The following PXDNL variants were observed in gnomAD, a reference collection of about 807,000 sequenced individuals.
PXDNL encodes the protein probable oxidoreductase PXDNL.
In PXDNL, 145 loss-of-function variants were observed where a neutral mutation model predicts 150.8. The observed-to-expected ratio is 0.96, with a 90% CI of 0.84 to 1.10. The LOEUF (loss-of-function observed/expected upper bound fraction) is 1.10, where lower values mean the gene tolerates loss of function less well. Among genes scored for constraint, PXDNL ranks in the 50% least tolerant of loss-of-function variants. The probability of loss-of-function intolerance (pLI) is 0.00; values close to 1 mark genes in which losing one functional copy is unlikely to be tolerated. For synonymous variants in PXDNL, 757 were observed against 725.7 expected, an observed-to-expected ratio of 1.04 and a Z score of -0.69; for missense variants, 2,087 against 1,873.9, an observed-to-expected ratio of 1.11 and a Z score of -2.10.
At chr8:51,584,693 T>C (rs1244696562) in intron 3 of PXDNL, among the ~76,000 whole-genome samples, 7 of 152,138 alleles carry the variant, frequency 4.6e-5, no homozygotes, top group Non-Finnish European at 1.0e-4. Flanking sequence ...CCAGGAACTT[T>C]AGAACTCAGA....
At chr8:51,514,595 C>A (rs1382711397) in intron 4 of PXDNL, among the ~76,000 whole-genome samples, 1 of 152,172 alleles carries the variant, frequency 6.6e-6, no homozygotes, top group Non-Finnish European at 1.5e-5. Flanking sequence ...CCTTCCAATA[C>A]ATAGGACTGA....
chr8:51,582,412 G>A (rs963107285), intron 3 of PXDNL, among the ~76,000 whole-genome samples: 1 of 152,124 alleles, frequency 6.6e-6, no homozygotes, highest in Non-Finnish European at 1.5e-5. Context: ...GTAAATGTAT[G>A]TTATTCTCAT....
At chr8:51,553,544 A>G (rs1812536115) in intron 4 of PXDNL, among the ~76,000 whole-genome samples, 1 of 152,108 alleles carries the variant, frequency 6.6e-6, no homozygotes, top group African/African-American at 2.4e-5. Flanking sequence ...AGTTAGTTCA[A>G]TGCCTTGCTG....
intron 1 of PXDNL, among the ~76,000 whole-genome samples, chr8:51,757,916 A>T (rs535393589): frequency 9.2e-5 from 14 of 151,354 alleles, no homozygotes; most frequent in African/African-American, 1.9e-4. Flanking sequence ...AAAGAAATTT[A>T]AAAAATGTAA....
At chr8:51,675,565 C>T (rs1025387817) in intron 1 of PXDNL, among the ~76,000 whole-genome samples, 7 of 151,872 alleles carry the variant, frequency 4.6e-5, no homozygotes, top group East Asian at 1.9e-4. Flanking sequence ...GAGGCAGAGG[C>T]AGGCGGATCA....
intron 1 of PXDNL, among the ~76,000 whole-genome samples, chr8:51,682,819 C>T (rs1455628534): frequency 3.3e-5 from 5 of 151,854 alleles, no homozygotes; most frequent in African/African-American, 1.2e-4. Flanking sequence ...CAGCATTTCC[C>T]GAAGGGCTTG....
intron 2 of PXDNL, among the ~76,000 whole-genome samples, chr8:51,624,254 G>C (rs1294479519): frequency 6.6e-6 from 1 of 152,168 alleles, no homozygotes; most frequent in Admixed American, 6.5e-5. Flanking sequence ...CCACAGACCG[G>C]TGGTATTTAC....
intron 12 of PXDNL, among the ~76,000 whole-genome samples, chr8:51,439,327 T>C (rs1001463214): frequency 1.3e-5 from 2 of 152,036 alleles, no homozygotes; most frequent in Non-Finnish European, 2.9e-5. Context: ...GAAAAAATGC[T>C]CAATATCACA....
chr8:51,509,741 T>TATATACAC (rs536341095), intron 4 of PXDNL, among the ~76,000 whole-genome samples: 13 of 143,338 alleles, frequency 9.1e-5, no homozygotes, highest in African/African-American at 3.3e-4. Flanking sequence ...TATACATATA[T>TATATACAC]ACACACACAC....
chr8:51,710,099 C>T (rs1490569746), intron 1 of PXDNL, among the ~76,000 whole-genome samples: 1 of 152,196 alleles, frequency 6.6e-6, no homozygotes, highest in Non-Finnish European at 1.5e-5. Flanking sequence ...GTCCTTATTT[C>T]CCAGCTTTCC....
chr8:51,778,465 C>T (rs949593012), intron 1 of PXDNL, among the ~76,000 whole-genome samples: 3 of 152,168 alleles, frequency 2.0e-5, no homozygotes, highest in Admixed American at 2.0e-4. Flanking sequence ...ATCCTCATCA[C>T]TCCTCTCCAC....
rs79105977 is a variant in PXDNL at position 51,597,510 on chromosome 8, G to A, written c.237-4812C>T. ...CTTTGAGCAGAATGTCCATTTTAGCGGATATTGATTCTTCCAATCCATGAG... is the reference window on the plus strand; with the variant it reads ...CTTTGAGCAGAATGTCCATTTTAGCAGATATTGATTCTTCCAATCCATGAG... On this transcript the variant is annotated intron_variant, in intron 2 of 22. Coordinates refer to ENST00000356297, the MANE Select transcript of PXDNL (RefSeq NM_144651.5). 6.9e-3 allele frequency among the ~76,000 whole-genome samples: 1,051 copies of A among 152,086 alleles called. 7 individuals are homozygous for A. The highest frequency in any genetic ancestry group is 0.024 in the African/African-American group (985 of 41,494).
chr8:51,503,140 G>A (rs1036930436), intron 4 of PXDNL, among the ~76,000 whole-genome samples: 2 of 151,904 alleles, frequency 1.3e-5, no homozygotes, highest in East Asian at 3.9e-4. Flanking sequence ...TGCTTCCCTA[G>A]AATAAATCAC....
At chr8:51,613,211 T>A (rs577157340) in intron 2 of PXDNL, among the ~76,000 whole-genome samples, 51 of 151,632 alleles carry the variant, frequency 3.4e-4, no homozygotes, top group East Asian at 1.4e-3. Context: ...CCAAAAAAAA[T>A]ATATATATAT....
intron 1 of PXDNL, among the ~76,000 whole-genome samples, chr8:51,712,278 A>C (rs1195226663): frequency 1.3e-5 from 2 of 152,040 alleles, no homozygotes; most frequent in Non-Finnish European, 2.9e-5. Context: ...AAAAGGGTCC[A>C]TTTCTGTGTT....
chr8:51,783,867 G>T (rs960687573), intron 1 of PXDNL, among the ~76,000 whole-genome samples: 1 of 152,126 alleles, frequency 6.6e-6, no homozygotes, highest in South Asian at 2.1e-4. Context: ...TGGTAAAATG[G>T]AACTAAACAT....
intron 6 of PXDNL, among the ~76,000 whole-genome samples, chr8:51,476,050 A>G (rs1037062456): frequency 3.3e-5 from 5 of 152,116 alleles, no homozygotes; most frequent in Admixed American, 6.5e-5. Flanking sequence ...TGAGCTATGA[A>G]GGCACCACTG....
At chr8:51,363,830 A>G (rs1402008903) in intron 19 of PXDNL, among the ~76,000 whole-genome samples, 1 of 152,208 alleles carries the variant, frequency 6.6e-6, no homozygotes, top group Non-Finnish European at 1.5e-5. Context: ...TTTCCCATGC[A>G]CAAGGGCTGA....
intron 21 of PXDNL, among the ~76,000 whole-genome samples, chr8:51,336,583 C>G (rs1008670593): frequency 2.6e-5 from 4 of 152,224 alleles, no homozygotes; most frequent in African/African-American, 4.8e-5. Flanking sequence ...GCTCCCCACT[C>G]TACTATAGTT....
Sources: allele counts gnomAD v4.1 joint callset (sites outside exome capture counted in the v4.1 genomes callset), GRCh38; gene constraint gnomAD v4.1.1; transcripts MANE v1.5; gene names NCBI Gene and HGNC (gene_info 2026-07-23, HGNC 2026-07-21).